NAV2: variants seen among roughly 807,000 people sequenced by gnomAD.
The protein encoded by NAV2 is neuron navigator 2.
In NAV2, 54 loss-of-function variants were observed where a neutral mutation model predicts 223.2. That is an observed-to-expected ratio of 0.24 (90% CI 0.19 to 0.30). The LOEUF is 0.30. Ranked by LOEUF, NAV2 falls within the 10% of genes least tolerant of loss-of-function variation. NAV2 has a pLI of 1.00. For synonymous variants in NAV2, 1,279 were observed against 1,239.3 expected (o/e 1.03, Z -0.67); for missense variants, 2,806 against 3,147.5 (o/e 0.89, Z 2.60).
intron 5 of NAV2, among the ~76,000 whole-genome samples, chr11:19,887,917 C>T (rs2041154240): frequency 6.6e-6 from 1 of 150,642 alleles, no homozygotes; most frequent in Non-Finnish European, 1.5e-5. Context: ...CCTCTGCTCC[C>T]AGCCTCTGAA....
chr11:19,778,093 CA>C, intron 1 of NAV2: 1 of 408,034 alleles, frequency 2.5e-6, no homozygotes, highest in Admixed American at 2.6e-5. Flanking sequence ...CCTCCGTTTT[CA>C]AAAATAACCG....
At chr11:19,783,244 G>T (rs746054115) in intron 1 of NAV2, among the ~76,000 whole-genome samples, 8 of 152,150 alleles carry the variant, frequency 5.3e-5, no homozygotes, top group Non-Finnish European at 1.0e-4. Context: ...CTGATTTCTC[G>T]TTCCAACCTT....
At chr11:19,992,500 C>T (rs2051436177) in intron 11 of NAV2, among the ~76,000 whole-genome samples, 1 of 151,322 alleles carries the variant, frequency 6.6e-6, no homozygotes, top group African/African-American at 2.4e-5. Context: ...TGCCCAACTT[C>T]ATAACTTTGT....
At chr11:19,753,656 A>G (rs1019615483) in intron 1 of NAV2, among the ~76,000 whole-genome samples, 1 of 152,232 alleles carries the variant, frequency 6.6e-6, no homozygotes, top group African/African-American at 2.4e-5. Context: ...TGTGTCTTTC[A>G]TTCCTTTGTC....
At chr11:19,959,410 A>T (rs1226671453) in intron 10 of NAV2, among the ~76,000 whole-genome samples, 3 of 152,228 alleles carry the variant, frequency 2.0e-5, no homozygotes, top group African/African-American at 7.2e-5. Flanking sequence ...TCCAAAGTGG[A>T]TCTGAAACTA....
At chr11:19,558,488 C>A (rs1334733737) in intron 1 of NAV2, among the ~76,000 whole-genome samples, 2 of 152,332 alleles carry the variant, frequency 1.3e-5, no homozygotes, top group East Asian at 3.9e-4. Context: ...GAAAAAGAGA[C>A]CCAGAGCCAA....
At chr11:20,023,288 G>T (rs2054680436) in intron 11 of NAV2, among the ~76,000 whole-genome samples, 1 of 150,828 alleles carries the variant, frequency 6.6e-6, no homozygotes, top group Non-Finnish European at 1.5e-5. Context: ...GAGTGGGGGT[G>T]GGAGGGGGCG....
chr11:20,088,654 G>A (rs893271883), intron 26 of NAV2, among the ~76,000 whole-genome samples: 5 of 152,212 alleles, frequency 3.3e-5, no homozygotes, highest in Admixed American at 6.5e-5. Flanking sequence ...TTTAGGCCAA[G>A]CTCTGCAAAG....
chr11:19,549,575 G>A (rs887974859), intron 1 of NAV2, among the ~76,000 whole-genome samples: 7 of 152,210 alleles, frequency 4.6e-5, no homozygotes, highest in South Asian at 2.1e-4. Flanking sequence ...CCTACCAATC[G>A]TATGGCAAAT....
chr11:19,661,692 T>A (rs1361878558), intron 1 of NAV2, among the ~76,000 whole-genome samples: 1 of 152,206 alleles, frequency 6.6e-6, no homozygotes, highest in African/African-American at 2.4e-5. Flanking sequence ...GTTATTATGA[T>A]ACTAAATAAG....
chr11:20,056,768 T>A, intron 19 of NAV2: 1 of 645,548 alleles, frequency 1.5e-6, no homozygotes, highest in Non-Finnish European at 2.8e-6. Flanking sequence ...CCAGCTCCAC[T>A]GCTTTTTAGG....
intron 1 of NAV2, among the ~76,000 whole-genome samples, chr11:19,432,106 G>A (rs1180735445): frequency 1.3e-5 from 2 of 151,268 alleles, no homozygotes; most frequent in Non-Finnish European, 2.9e-5. Context: ...GCTGAGGCAA[G>A]AGAATCACTT....
chr11:19,885,949 GC>G (rs1279448421), intron 5 of NAV2, among the ~76,000 whole-genome samples: 1 of 152,038 alleles, frequency 6.6e-6, no homozygotes, highest in African/African-American at 2.4e-5. Context: ...TGTTACCCAG[GC>G]TGGAGTGCAG....
At chr11:19,387,791 C>A (rs1386172416) in intron 1 of NAV2, among the ~76,000 whole-genome samples, 1 of 152,086 alleles carries the variant, frequency 6.6e-6, no homozygotes, top group African/African-American at 2.4e-5. Context: ...AAATAGAGTT[C>A]TTTGATTTTC....
At chr11:19,554,352 A>C (rs1213165270) in intron 1 of NAV2, among the ~76,000 whole-genome samples, 1 of 152,228 alleles carries the variant, frequency 6.6e-6, no homozygotes, top group Non-Finnish European at 1.5e-5. Flanking sequence ...CAATGCCCAC[A>C]CTAGGCCAAC....
intron 1 of NAV2, among the ~76,000 whole-genome samples, chr11:19,366,224 T>A (rs1478834970): frequency 6.6e-6 from 1 of 152,106 alleles, no homozygotes; most frequent in Non-Finnish European, 1.5e-5. Flanking sequence ...AAGCATGATG[T>A]CAGGGTGGCT....
intron 17 of NAV2, among the ~76,000 whole-genome samples, chr11:20,052,288 A>G (rs888092374): frequency 3.9e-5 from 6 of 152,256 alleles, no homozygotes; most frequent in African/African-American, 1.4e-4. Context: ...GTAGGTATCA[A>G]TGCTTCCTTT....
intron 12 of NAV2, among the ~76,000 whole-genome samples, chr11:20,037,957 A>T (rs1009147334): frequency 3.9e-5 from 6 of 152,144 alleles, no homozygotes; most frequent in African/African-American, 1.2e-4. Flanking sequence ...TTCAGGAGGC[A>T]GGCTATTAGA....
At chr11:20,103,491 G>A (rs1426073435) in intron 33 of NAV2, 82 bp downstream of exon 33, 2 of 1,535,922 alleles carry the variant, frequency 1.3e-6, no homozygotes, top group East Asian at 4.5e-5. Flanking sequence ...AGGTGGCCCG[G>A]GGCCGTTGTG....
Sources: allele counts gnomAD v4.1 joint callset (sites outside exome capture counted in the v4.1 genomes callset), GRCh38; gene constraint gnomAD v4.1.1; transcripts MANE v1.5; gene names NCBI Gene and HGNC (gene_info 2026-07-23, HGNC 2026-07-21).